PPIL1: variants seen among roughly 807,000 people sequenced by gnomAD.
The protein encoded by PPIL1 is peptidylprolyl isomerase like 1.
In PPIL1, 14 loss-of-function variants were observed where a neutral mutation model predicts 19.4. The ratio of observed to expected loss-of-function variants is 0.72; its 90% CI spans 0.48 to 1.13. PPIL1 has a LOEUF of 1.13. Among genes scored for constraint, PPIL1 ranks in the 50% most tolerant of loss-of-function variants. The pLI is 0.00. For missense variants in PPIL1, 192 were observed against 218.0 expected (o/e 0.88, Z 0.75); for synonymous variants, 72 against 73.6 (o/e 0.98, Z 0.11).
At chr6:36,868,131 TA>T (rs1379091154) in intron 2 of PPIL1, among the ~76,000 whole-genome samples, 11 of 151,942 alleles carry the variant, frequency 7.2e-5, no homozygotes, top group Non-Finnish European at 1.6e-4. Flanking sequence ...GAAGTAAAAA[TA>T]TAATATAACA....
chr6:36,867,880 G>T (rs1375130784), intron 2 of PPIL1, among the ~76,000 whole-genome samples: 2 of 152,216 alleles, frequency 1.3e-5, no homozygotes, highest in Non-Finnish European at 2.9e-5. Flanking sequence ...CCACATAAGT[G>T]GGGAGAATGA....
chr6:36,874,194 A>C (rs1051683413), intron 1 of PPIL1, among the ~76,000 whole-genome samples: 14 of 152,240 alleles, frequency 9.2e-5, no homozygotes, highest in African/African-American at 3.4e-4. Context: ...AAACTAAATG[A>C]GATGACATAC....
Position 36,855,421 on chromosome 6 carries a change from G to T in PPIL1, c.*392C>A. 1 of 245,634 alleles carries T rather than the reference G, an allele frequency of 4.1e-6. No individual in the cohort carries two copies. The highest frequency in any genetic ancestry group is 5.5e-5 in the South Asian group (1 of 18,086). The allele number at this position is 245,634 out of a possible 1,614,324, so 15.2% of individuals were successfully genotyped here. A position where few individuals can be genotyped will look rare whatever the true frequency, so the allele number is the denominator to read the frequency against. On this transcript the variant is annotated 3_prime_UTR_variant, in exon 4 of 4. Coordinates refer to ENST00000373699, the MANE Select transcript of PPIL1 (RefSeq NM_016059.5). ...GAATTCTGTGGCTGTCAGCCATCAA[G>T]GACTGCTGTGTAGGCCAGAATATAA...
At position 36,856,039 on chromosome 6, in the gene PPIL1, G is replaced by A. The variant is rs185738522; in HGVS notation, c.281-6C>T. On this transcript the variant is annotated splice_region_variant and splice_polypyrimidine_tract_variant and intron_variant, in intron 3 of 3. Transcript: ENST00000373699. ...CATTGCGAGAATTCCAGCCCCTGGTGGGAAAAAGGAAGAAAGGAAAGAGTA... is the reference window on the plus strand; with the variant it reads ...CATTGCGAGAATTCCAGCCCCTGGTAGGAAAAAGGAAGAAAGGAAAGAGTA... 9.1e-3 allele frequency: 14,617 copies of A among 1,613,170 alleles called. 101 individuals are homozygous for A. The highest frequency in any genetic ancestry group is 0.011 in the Non-Finnish European group (13,325 of 1,179,386).
chr6:36,872,612 AATT>A (rs1166491387), intron 1 of PPIL1, among the ~76,000 whole-genome samples: 7 of 149,956 alleles, frequency 4.7e-5, no homozygotes, highest in Admixed American at 4.0e-4. Flanking sequence ...AGGATGTGAC[AATT>A]TTTTTTTTTT....
In PPIL1 at chr6:36,874,559, G is replaced by C. The variant is rs192758601; in HGVS notation, c.56+158C>G. ...GCGGAGCTTGGACGCGGGCGATGGC[G>C]GTCCCCTCTCAACCCTCTGGGGGCC... On this transcript the variant is annotated intron_variant, in intron 1 of 3. Transcript: ENST00000373699. Among the ~76,000 whole-genome samples the C allele has an allele frequency of 3.3e-3, 503 of 152,344 alleles. 1 individual carries two copies. Among genetic ancestry groups the C allele is most frequent in the South Asian group, 4.4e-3 (21 of 4,826 alleles).
intron 1 of PPIL1, among the ~76,000 whole-genome samples, chr6:36,872,395 T>C (rs945114410): frequency 3.3e-5 from 5 of 152,150 alleles, no homozygotes; most frequent in African/African-American, 1.2e-4. Context: ...ACATTACCTA[T>C]TCAAAAAATT....
chr6:36,869,669 T>A (rs915395480), intron 2 of PPIL1, among the ~76,000 whole-genome samples: 1 of 152,086 alleles, frequency 6.6e-6, no homozygotes, highest in Non-Finnish European at 1.5e-5. Flanking sequence ...CTAAATACAC[T>A]GAAACGTAGG....
chr6:36,869,116 C>T (rs1774456708), intron 2 of PPIL1, among the ~76,000 whole-genome samples: 1 of 152,038 alleles, frequency 6.6e-6, no homozygotes, highest in Admixed American at 6.6e-5. Flanking sequence ...CTCCCAGTAG[C>T]TGGGATTACA....
chr6:36,873,333 G>A (rs894090858), intron 1 of PPIL1, among the ~76,000 whole-genome samples: 2 of 152,158 alleles, frequency 1.3e-5, no homozygotes, highest in African/African-American at 4.8e-5. Context: ...AAATGTCCTT[G>A]AAATAGGAAA....
rs1435649266 is a variant in PPIL1, at chr6:36,871,870, A to T, written c.59T>A (p.Met20Lys). ...QPPNVYLETS[M>K]GIIVLELYWK... ...GTACAGCTCCAGCACAATGATTCCC[A>T]TGCTGCAGAGGGAGAGGACAACAGC... Residue 20 changes from methionine (M) to lysine (K), a missense_variant and splice_region_variant, in exon 2 of 4, where the codon ATG becomes AAG. By Grantham distance (95) the Met-to-Lys change is moderately conservative. Coordinates refer to ENST00000373699, the MANE Select transcript of PPIL1 (RefSeq NM_016059.5). 1.3e-6 allele frequency: 2 copies of T among 1,581,494 alleles called. No homozygotes were observed. The highest frequency in any genetic ancestry group is 1.7e-6 in the Non-Finnish European group (2 of 1,168,762).
chr6:36,866,752 G>C (rs1021347234), intron 2 of PPIL1, among the ~76,000 whole-genome samples: 1 of 152,108 alleles, frequency 6.6e-6, no homozygotes, highest in African/African-American at 2.4e-5. Context: ...ATGAGGGGGA[G>C]AGAGGAAGAA....
At chr6:36,861,690 T>C (rs534637800) in intron 2 of PPIL1, among the ~76,000 whole-genome samples, 1 of 151,726 alleles carries the variant, frequency 6.6e-6, no homozygotes, top group South Asian at 2.1e-4. Flanking sequence ...GTTTTTTTTT[T>C]TTTTTAATTC....
In PPIL1 at chr6:36,855,439, G is replaced by A. The variant is rs1035794143; in HGVS notation, c.*374C>T. 4 of 289,886 alleles carry A rather than the reference G, an allele frequency of 1.4e-5. No homozygotes were observed. The highest frequency in any genetic ancestry group is 2.0e-5 in the Non-Finnish European group (3 of 147,450). 18.0% of individuals were successfully genotyped at this position (289,886 alleles called of 1,614,324 possible). A position where few individuals can be genotyped will look rare whatever the true frequency, so the allele number is the denominator to read the frequency against. On this transcript the variant is annotated 3_prime_UTR_variant, in exon 4 of 4. Transcript: ENST00000373699. ...CCATCAAGGACTGCTGTGTAGGCCA[G>A]AATATAAATCTCCTTAGGAAGAAGT...
At chr6:36,864,981 T>TA (rs569701227) in intron 2 of PPIL1, among the ~76,000 whole-genome samples, 25,237 of 144,876 alleles carry the variant, frequency 0.17, 2,219 homozygotes, top group Middle Eastern at 0.21. Context: ...GAATTAACAA[T>TA]AAAAAAAAAA....
rs779921408 is a variant in PPIL1, at chr6:36,855,960, G to A, written c.354C>T (p.Pro118=). The change falls in exon 4 of 4, where the codon CCC becomes CCT. Residue 118 remains proline, a synonymous_variant. Transcript: ENST00000373699. ...NGSQFFVTLA[P]TQWLDGKHTI... Reference sequence around the variant, plus strand: ...TGTGTTTGCCGTCAAGCCACTGGGTGGGGGCGAGGGTCACAAAGAACTGGC... The same window carrying A: ...TGTGTTTGCCGTCAAGCCACTGGGTAGGGGCGAGGGTCACAAAGAACTGGC... 2.5e-6 allele frequency: 4 copies of A among 1,614,220 alleles called. No homozygotes were observed. Among genetic ancestry groups the A allele is most frequent in the Non-Finnish European group, 2.5e-6 (3 of 1,180,042 alleles).
At chr6:36,865,550 A>T (rs1774378817) in intron 2 of PPIL1, among the ~76,000 whole-genome samples, 1 of 151,612 alleles carries the variant, frequency 6.6e-6, no homozygotes, top group Non-Finnish European at 1.5e-5. Context: ...TGCCTCTGTC[A>T]CTCCTGCCCT....
At chr6:36,865,819 C>T (rs571130922) in intron 2 of PPIL1, among the ~76,000 whole-genome samples, 1 of 152,272 alleles carries the variant, frequency 6.6e-6, no homozygotes, top group Admixed American at 6.5e-5. Context: ...AAAGAAAATG[C>T]CTTGGCTTTT....
intron 2 of PPIL1, among the ~76,000 whole-genome samples, chr6:36,863,327 T>G (rs146849784): frequency 3.9e-5 from 6 of 152,160 alleles, no homozygotes; most frequent in Non-Finnish European, 7.3e-5. Flanking sequence ...GAAGGAATTA[T>G]CAGAAGAGAA....
Sources: allele counts gnomAD v4.1 joint callset (sites outside exome capture counted in the v4.1 genomes callset), GRCh38; gene constraint gnomAD v4.1.1; transcripts MANE v1.5; gene names NCBI Gene and HGNC (gene_info 2026-07-23, HGNC 2026-07-21).